The following IVD variants were observed in gnomAD, a reference collection of about 807,000 sequenced individuals.
The protein encoded by IVD is isovaleryl-CoA dehydrogenase, mitochondrial.
IVD carries 31 observed loss-of-function variants against 51.3 expected under a neutral mutation model. The observed-to-expected ratio is 0.60, with a 90% CI of 0.45 to 0.81. IVD has a LOEUF of 0.81. IVD is among the 40% of genes least tolerant of loss of function. IVD has a pLI of 0.00. For missense variants in IVD, 475 were observed against 552.0 expected, an observed-to-expected ratio of 0.86 and a Z score of 1.40; for synonymous variants, 205 against 219.4, an observed-to-expected ratio of 0.93 and a Z score of 0.58.
rs398123680 is a variant in IVD at position 40,416,356 on chromosome 15, T to C, written c.1132T>C (p.Cys378Arg). ...ATQVALDGIQ[C>R]FGGNGYINDF... ...ACAGGTAGCCCTGGACGGCATTCAG[T>C]GTTTTGGTGAGTGATCCCCACTTCC... Residue 378 changes from cysteine (C) to arginine (R), a missense_variant, in exon 11 of 12, where the codon TGT becomes CGT. Coordinates refer to ENST00000487418, the MANE Select transcript of IVD (RefSeq NM_002225.5). 25 of 1,613,852 alleles carry C rather than the reference T, an allele frequency of 1.5e-5. No individual in the cohort carries two copies. Among genetic ancestry groups the C allele is most frequent in the Middle Eastern group, 3.4e-4 (2 of 5,884 alleles).
chr15:40,412,850 G>A, intron 6 of IVD, 141 bp from the exon 7 acceptor site: 1 of 695,182 alleles, frequency 1.4e-6, no homozygotes. Context: ...CCCGGGGGGA[G>A]CATGGGACTA....
At chr15:40,411,171 T>G (rs897678421) in intron 4 of IVD, 89 bp from the exon 5 acceptor site, 9 of 1,285,954 alleles carry the variant, frequency 7.0e-6, no homozygotes, top group Admixed American at 6.7e-5. Context: ...TTTGAAGGGG[T>G]TTAATGTGGA....
At chr15:40,426,525 G>A (rs868478957), downstream of IVD, among the ~76,000 whole-genome samples, 31 of 149,286 alleles carry the variant, frequency 2.1e-4, no homozygotes, top group African/African-American at 5.2e-4. Flanking sequence ...GCAACAGAGC[G>A]ATACACTGTC....
At position 40,418,798 on chromosome 15, in the gene IVD, C is replaced by A; in HGVS notation, c.*535C>A. ...GTGGTTCCAAGCATTTTGGATAAGG[C>A]AAATTCAACTTTCAGTCTCTTTTCT... is the stretch of plus-strand genomic sequence containing the variant. On this transcript the variant is annotated 3_prime_UTR_variant, in exon 12 of 12. Transcript: ENST00000487418. 1 of 1,073,594 alleles carries A rather than the reference C, an allele frequency of 9.3e-7. No homozygotes were observed. Among genetic ancestry groups the A allele is most frequent in the African/African-American group, 1.7e-5 (1 of 60,270 alleles). 66.5% of individuals were successfully genotyped at this position (1,073,594 alleles called of 1,614,324 possible).
intron 7 of IVD, among the ~76,000 whole-genome samples, chr15:40,430,076 T>C (rs915638390): frequency 1.3e-5 from 2 of 152,216 alleles, no homozygotes; most frequent in African/African-American, 2.4e-5. Context: ...TGGCACGCAG[T>C]GTGGCTGCAA....
chr15:40,410,918 G>A (rs1379991452), intron 4 of IVD, 121 bp downstream of exon 4: 1 of 1,243,322 alleles, frequency 8.0e-7, no homozygotes. Context: ...TGAACCAAAT[G>A]TGGTTAGGAA....
intron 1 of IVD, 136 bp downstream of exon 1, chr15:40,406,107 G>GCGCGGGGGCGGGA: frequency 6.5e-7 from 1 of 1,540,266 alleles, no homozygotes. Context: ...GGGAGCGCCA[G>GCGCGGGGGCGGGA]CGCGGGGGCG....
chr15:40,413,163 A>T, intron 7 of IVD, 76 bp downstream of exon 7: 1 of 1,204,272 alleles, frequency 8.3e-7, no homozygotes, highest in Non-Finnish European at 1.2e-6. Flanking sequence ...CAAGTTGAGA[A>T]AGCCTCTGGG....
rs1892031995 is a variant in IVD at position 40,419,127 on chromosome 15, ACT to A, written c.*867_*868del. The A allele has an allele frequency of 7.8e-7, 1 of 1,286,880 alleles. No homozygotes were observed. Among genetic ancestry groups the A allele is most frequent in the Non-Finnish European group, 1.0e-6 (1 of 987,324 alleles). The allele number at this position is 1,286,880 out of a possible 1,614,324, so 79.7% of individuals were successfully genotyped here. A position where few individuals can be genotyped will look rare whatever the true frequency, so the allele number is the denominator to read the frequency against. On this transcript the variant is annotated 3_prime_UTR_variant, in exon 12 of 12. Coordinates refer to ENST00000487418, the MANE Select transcript of IVD (RefSeq NM_002225.5). ...CTCCAGCCTGGGCGACAAGAGCAAA[ACT>A]CTTCAAAAAACAAAACAAAACAAAA...
rs1892268963 is a variant in IVD, at chr15:40,421,201, A to G, written c.*2938A>G. On this transcript the variant is annotated 3_prime_UTR_variant, in exon 12 of 12. Coordinates refer to ENST00000487418, the MANE Select transcript of IVD (RefSeq NM_002225.5). ...ACAATGTGGCAAAATGGGGCGCTTC[A>G]TCCAGTCTGTCTAAGCCCTGTCGAC... is the stretch of plus-strand genomic sequence containing the variant. 1.0e-6 allele frequency: 1 copy of G among 985,488 alleles called. No homozygotes were observed. Among genetic ancestry groups the G allele is most frequent in the East Asian group, 1.1e-4 (1 of 8,822 alleles). 61.0% of individuals were successfully genotyped at this position (985,488 alleles called of 1,614,324 possible). A position where few individuals can be genotyped will look rare whatever the true frequency, so the allele number is the denominator to read the frequency against.
At position 40,406,395 on chromosome 15, in the gene IVD, C is replaced by CT. The variant is rs887160158; in HGVS notation, c.144+430dup. On this transcript the variant is annotated intron_variant, in intron 1 of 11. Coordinates refer to ENST00000487418, the MANE Select transcript of IVD (RefSeq NM_002225.5). ...GTGGTCATCGTAATCACCAGGGAGT[C>CT]TTTTTTGTATAAACAGTTTGGGGGT... 42 of 1,237,634 alleles carry CT rather than the reference C, an allele frequency of 3.4e-5. No homozygotes were observed. The African/African-American group carries it at 6.3e-4, about 19-fold the overall frequency. The allele number at this position is 1,237,634 out of a possible 1,614,324, so 76.7% of individuals were successfully genotyped here.
At position 40,420,331 on chromosome 15, in the gene IVD, C is replaced by T; in HGVS notation, c.*2068C>T. 1 of 987,658 alleles carries T rather than the reference C, an allele frequency of 1.0e-6. No individual in the cohort carries two copies. The highest frequency in any genetic ancestry group is 1.2e-6 in the Non-Finnish European group (1 of 830,136). 61.2% of individuals were successfully genotyped at this position (987,658 alleles called of 1,614,324 possible). ...CCCTACCCGAGCAGGCCGGAGTTGG[C>T]TCGCATGACTCCAGCTGAGGCTGCC... On this transcript the variant is annotated 3_prime_UTR_variant, in exon 12 of 12. Transcript: ENST00000487418.
chr15:40,409,849 T>C (rs1244435438), intron 3 of IVD, among the ~76,000 whole-genome samples: 1 of 150,774 alleles, frequency 6.6e-6, no homozygotes, highest in South Asian at 2.1e-4. Context: ...TTTTTTTTTT[T>C]TTTTTGAGAC....
chr15:40,431,965 C>CTT (rs34083732), intron 7 of IVD, among the ~76,000 whole-genome samples: 51,995 of 138,662 alleles, frequency 0.37, 11,000 homozygotes, highest in East Asian at 0.77. Flanking sequence ...ATATCTAAGT[C>CTT]TTTTTTTTTT....
chr15:40,412,915 T>C (rs1891232077), intron 6 of IVD, 76 bp from the exon 7 acceptor site: 2 of 1,204,124 alleles, frequency 1.7e-6, no homozygotes, highest in Admixed American at 3.5e-5. Flanking sequence ...GAGTGCCTTC[T>C]TCCCAGAGGC....
At chr15:40,410,152 G>T (rs1378420392) in intron 3 of IVD, among the ~76,000 whole-genome samples, 1 of 152,086 alleles carries the variant, frequency 6.6e-6, no homozygotes, top group Admixed American at 6.6e-5. Context: ...CTGCTTCTTT[G>T]GGTTCAGCCC....
At chr15:40,426,916 G>C (rs2141416433), downstream of IVD, among the ~76,000 whole-genome samples, 3 of 152,334 alleles carry the variant, frequency 2.0e-5, 1 homozygote, top group South Asian at 6.2e-4. Context: ...TGGGCGACGG[G>C]CTGGGGAGAT....
At chr15:40,417,204 C>CG (rs200004085) in intron 11 of IVD, among the ~76,000 whole-genome samples, 27 of 87,832 alleles carry the variant, frequency 3.1e-4, no homozygotes, top group African/African-American at 1.1e-3. Context: ...AACTCCGTCT[C>CG]GGAAAAAAAA....
At chr15:40,411,236 G>C in intron 4 of IVD, 24 bp from the exon 5 acceptor site, 1 of 1,611,994 alleles carries the variant, frequency 6.2e-7, no homozygotes, top group Non-Finnish European at 8.5e-7. Context: ...TTGTAACAAG[G>C]CCTGTTGGGG....
Sources: gnomAD v4.1 joint callset for allele counts (sites outside exome capture counted in the v4.1 genomes callset) on GRCh38, gnomAD v4.1.1 for gene constraint, MANE v1.5 for transcripts, NCBI Gene and HGNC (gene_info 2026-07-23, HGNC 2026-07-21) for gene names.